The following KCNIP1 variants were observed in gnomAD, a reference collection of about 807,000 sequenced individuals.
KCNIP1 encodes potassium voltage-gated channel interacting protein 1, also known as A-type potassium channel modulatory protein KCNIP1.
Under a neutral mutation model 33.0 loss-of-function variants are expected in KCNIP1, and 18 were observed. The observed-to-expected ratio is 0.55, with a 90% CI of 0.38 to 0.81. KCNIP1 has a LOEUF of 0.81. Ranked by LOEUF, KCNIP1 falls within the 30% of genes least tolerant of loss-of-function variation. The pLI is 0.00. For missense variants in KCNIP1, 238 were observed against 271.6 expected (o/e 0.88, Z 0.87); for synonymous variants, 93 against 98.3 (o/e 0.95, Z 0.32).
chr5:170,370,289 G>A (rs762577047), intron 1 of KCNIP1, among the ~76,000 whole-genome samples: 5 of 152,152 alleles, frequency 3.3e-5, no homozygotes, highest in South Asian at 4.1e-4. Context: ...TTTATGCACC[G>A]TGCTGAGTAC....
intron 1 of KCNIP1, among the ~76,000 whole-genome samples, chr5:170,406,299 A>G (rs1451504287): frequency 6.6e-6 from 1 of 152,168 alleles, no homozygotes; most frequent in Non-Finnish European, 1.5e-5. Context: ...TTGAGCAAAT[A>G]AATGAAGAGT....
intron 1 of KCNIP1, among the ~76,000 whole-genome samples, chr5:170,409,497 A>C (rs1755123914): frequency 6.6e-6 from 1 of 152,226 alleles, no homozygotes; most frequent in Non-Finnish European, 1.5e-5. Context: ...ACAGTACCCC[A>C]TGAATAAGTT....
chr5:170,439,375 AG>A (rs945337399), intron 1 of KCNIP1, among the ~76,000 whole-genome samples: 1 of 152,174 alleles, frequency 6.6e-6, no homozygotes, highest in Admixed American at 6.5e-5. Context: ...GGCACAAGTG[AG>A]GAACAAGGGC....
intron 1 of KCNIP1, among the ~76,000 whole-genome samples, chr5:170,471,851 T>C (rs779103826): frequency 5.3e-5 from 8 of 152,204 alleles, no homozygotes; most frequent in Non-Finnish European, 1.2e-4. Context: ...TTTCTTGGTG[T>C]TCATTTTAAT....
Position 170,603,080 on chromosome 5 carries a change from G to A in KCNIP1, c.61+98447G>A, listed in dbSNP as rs367835941. On this transcript the variant is annotated intron_variant, in intron 1 of 7. Transcript: ENST00000328939. ...TGGTGCACACAGCAGGGCAGGGGGC[G>A]AAGGAGTGGGATCCCACCCAGGGAT... is the stretch of plus-strand genomic sequence containing the variant. 6.2e-3 allele frequency among the ~76,000 whole-genome samples: 946 copies of A among 152,338 alleles called. 12 individuals carry two copies. The highest frequency in any genetic ancestry group is 0.021 in the African/African-American group (889 of 41,586).
chr5:170,404,595 G>A (rs914625880), intron 1 of KCNIP1, among the ~76,000 whole-genome samples: 2 of 152,128 alleles, frequency 1.3e-5, no homozygotes, highest in Non-Finnish European at 2.9e-5. Context: ...CAGCAGGCTA[G>A]ACGAGCCTGT....
At chr5:170,419,320 G>C (rs1755416586) in intron 1 of KCNIP1, among the ~76,000 whole-genome samples, 1 of 152,178 alleles carries the variant, frequency 6.6e-6, no homozygotes, top group South Asian at 2.1e-4. Flanking sequence ...GAAGTAATCA[G>C]AGAGGTGGAG....
At chr5:170,562,069 C>T (rs1757051505) in intron 1 of KCNIP1, among the ~76,000 whole-genome samples, 1 of 152,156 alleles carries the variant, frequency 6.6e-6, no homozygotes, top group South Asian at 2.1e-4. Context: ...AGTCAGGGAT[C>T]ATCTGCGTTA....
intron 1 of KCNIP1, among the ~76,000 whole-genome samples, chr5:170,387,225 G>A (rs1764512324): frequency 6.6e-6 from 1 of 152,136 alleles, no homozygotes; most frequent in African/African-American, 2.4e-5. Context: ...ATATCAGGGG[G>A]ACTTTATTCT....
At chr5:170,406,732 C>T (rs1191151720) in intron 1 of KCNIP1, among the ~76,000 whole-genome samples, 2 of 152,178 alleles carry the variant, frequency 1.3e-5, no homozygotes, top group African/African-American at 2.4e-5. Flanking sequence ...TAGGCTCCTT[C>T]CTCATTCCGA....
At chr5:170,619,812 T>C (rs986193837) in intron 1 of KCNIP1, among the ~76,000 whole-genome samples, 1 of 152,180 alleles carries the variant, frequency 6.6e-6, no homozygotes, top group African/African-American at 2.4e-5. Context: ...CAGGGAAAAT[T>C]AGCATATTCT....
intron 1 of KCNIP1, among the ~76,000 whole-genome samples, chr5:170,673,920 T>C (rs1045627545): frequency 6.6e-6 from 1 of 151,904 alleles, no homozygotes; most frequent in African/African-American, 2.4e-5. Context: ...TAAAACAACT[T>C]TGGGAAACAA....
At position 170,722,741 on chromosome 5, in the gene KCNIP1, T is replaced by C; in HGVS notation, c.356T>C (p.Leu119Ser). 1 of 1,613,764 alleles carries C rather than the reference T, an allele frequency of 6.2e-7. No homozygotes were observed. The highest frequency in any genetic ancestry group is 8.5e-7 in the Non-Finnish European group (1 of 1,179,726). ...TTTGTAACCGCTCTGTCGATTTTAT[T>C]GAGAGGAACTGTCCACGAGAAACTA... is the stretch of plus-strand genomic sequence containing the variant. The part of the protein sequence containing the change: ...EDFVTALSIL[L>S]RGTVHEKLRW... Residue 119 changes from leucine (L) to serine (S), a missense_variant, in exon 5 of 8, where the codon TTG (leucine) becomes TCG (serine). Transcript: ENST00000328939.
At position 170,632,489 on chromosome 5, in the gene KCNIP1, G is replaced by A. The variant is rs115133236; in HGVS notation, c.62-86269G>A. Among the ~76,000 whole-genome samples the A allele has an allele frequency of 7.9e-3, 1,198 of 152,352 alleles. 17 individuals are homozygous for A. The highest frequency in any genetic ancestry group is 0.027 in the African/African-American group (1,102 of 41,578). On this transcript the variant is annotated intron_variant, in intron 1 of 7. Transcript: ENST00000328939. ...GAGCACTCTGCCTCCCTAGGCCAGG[G>A]CGAACCAACAGAGGCGGGAGATGAG...
intron 1 of KCNIP1, among the ~76,000 whole-genome samples, chr5:170,539,545 G>T (rs1281615741): frequency 6.6e-6 from 1 of 152,196 alleles, no homozygotes; most frequent in Non-Finnish European, 1.5e-5. Flanking sequence ...TCTGCCTGAA[G>T]AAGCCCCTGT....
chr5:170,478,725 C>G (rs1756911302), intron 1 of KCNIP1, among the ~76,000 whole-genome samples: 1 of 152,028 alleles, frequency 6.6e-6, no homozygotes. Context: ...CACTTGTATG[C>G]TCTAAAGAAA....
At chr5:170,457,408 C>T (rs900985922) in intron 1 of KCNIP1, among the ~76,000 whole-genome samples, 1 of 152,204 alleles carries the variant, frequency 6.6e-6, no homozygotes, top group African/African-American at 2.4e-5. Context: ...GCCAAGAGAA[C>T]CCACAGACCC....
intron 1 of KCNIP1, among the ~76,000 whole-genome samples, chr5:170,390,600 T>C (rs1754545039): frequency 1.3e-5 from 2 of 149,152 alleles, no homozygotes; most frequent in South Asian, 4.2e-4. Flanking sequence ...TCAGGCGTGG[T>C]GGTAGAAGGC....
chr5:170,521,033 C>T (rs1755344630), intron 1 of KCNIP1, among the ~76,000 whole-genome samples: 1 of 152,132 alleles, frequency 6.6e-6, no homozygotes, highest in East Asian at 1.9e-4. Flanking sequence ...AATAGACACC[C>T]GTTTGAGAAT....
Sources: allele counts gnomAD v4.1 joint callset (sites outside exome capture counted in the v4.1 genomes callset), GRCh38; gene constraint gnomAD v4.1.1; transcripts MANE v1.5; gene names NCBI Gene and HGNC (gene_info 2026-07-23, HGNC 2026-07-21).